The following RDX variants were observed in gnomAD, a reference collection of about 807,000 sequenced individuals.
RDX encodes radixin, also known as deafness, autosomal recessive 24.
In RDX, 32 loss-of-function variants were observed where a neutral mutation model predicts 83.7. That is an observed-to-expected ratio of 0.38 (90% CI 0.29 to 0.51). The LOEUF is 0.51. Among genes scored for constraint, RDX ranks in the 20% least tolerant of loss-of-function variants. RDX has a pLI of 0.87. For synonymous variants in RDX, 229 were observed against 222.7 expected, an observed-to-expected ratio of 1.03 and a Z score of -0.25; for missense variants, 600 against 689.9, an observed-to-expected ratio of 0.87 and a Z score of 1.46.
chr11:110,178,869 C>A (rs766694563), intron 15 of RDX, among the ~76,000 whole-genome samples: 4 of 152,140 alleles, frequency 2.6e-5, no homozygotes, highest in Non-Finnish European at 5.9e-5. Flanking sequence ...CTTTGGCTGG[C>A]ACAACCTGTT....
At chr11:110,219,001 G>T (rs547425307) in intron 14 of RDX, among the ~76,000 whole-genome samples, 88 of 152,290 alleles carry the variant, frequency 5.8e-4, no homozygotes, top group African/African-American at 2.0e-3. Flanking sequence ...TTCTAGTGGG[G>T]TGAGATAGAT....
chr11:110,289,956 CAAAAAAAAAAAAAAAA>C, intron 1 of RDX, among the ~76,000 whole-genome samples: 1 of 35,484 alleles, frequency 2.8e-5, no homozygotes, highest in Admixed American at 4.8e-4. Flanking sequence ...GAGACTGTCT[CAAAAAAAAAAAAAAAA>C]AAAAAAAAAA....
chr11:110,269,813 G>A (rs141914228), intron 3 of RDX, among the ~76,000 whole-genome samples: 101 of 152,114 alleles, frequency 6.6e-4, no homozygotes, highest in African/African-American at 2.2e-3. Context: ...CGAGGGAGGC[G>A]GATCACTTGA....
intron 15 of RDX, among the ~76,000 whole-genome samples, chr11:110,194,661 A>G (rs1459856625): frequency 1.3e-5 from 2 of 152,264 alleles, no homozygotes; most frequent in Admixed American, 1.3e-4. Flanking sequence ...CCTTTAAGTT[A>G]TAAAAGTGCC....
chr11:110,190,044 T>C (rs1863073720), intron 15 of RDX, among the ~76,000 whole-genome samples: 1 of 151,814 alleles, frequency 6.6e-6, no homozygotes, highest in African/African-American at 2.4e-5. Context: ...GATCGTGCCA[T>C]TGCACTCCAG....
At chr11:110,207,995 T>TC (rs1301296990) in intron 14 of RDX, among the ~76,000 whole-genome samples, 6 of 151,938 alleles carry the variant, frequency 3.9e-5, no homozygotes, top group Admixed American at 3.9e-4. Context: ...AGATTTTTTT[T>TC]TTTTTTTTAA....
chr11:110,262,945 A>G (rs1027918720), intron 5 of RDX, among the ~76,000 whole-genome samples: 1 of 152,226 alleles, frequency 6.6e-6, no homozygotes, highest in East Asian at 1.9e-4. Context: ...CCAGCCTAGG[A>G]GTCTGAAAAC....
chr11:110,175,807 TGGA>T (rs1279623286), intron 15 of RDX, among the ~76,000 whole-genome samples: 2 of 152,250 alleles, frequency 1.3e-5, no homozygotes, highest in Non-Finnish European at 2.9e-5. Flanking sequence ...CAGTAAACTC[TGGA>T]GGAGATTTAT....
At chr11:110,258,260 G>T in intron 5 of RDX, 71 bp from the exon 6 acceptor site, 1 of 1,008,452 alleles carries the variant, frequency 9.9e-7, no homozygotes, top group African/African-American at 1.6e-5. Flanking sequence ...TAAAAGTAAA[G>T]AATCCTTTCA....
chr11:110,295,642 G>GGAA (rs1555051124), intron 1 of RDX, among the ~76,000 whole-genome samples: 8 of 122,256 alleles, frequency 6.5e-5, no homozygotes, highest in Non-Finnish European at 1.2e-4. Context: ...TGTTTAAACT[G>GGAA]AAAAAAAAAA....
intron 2 of RDX, among the ~76,000 whole-genome samples, chr11:110,277,510 G>A (rs771352764): frequency 6.6e-6 from 1 of 151,984 alleles, no homozygotes; most frequent in Non-Finnish European, 1.5e-5. Flanking sequence ...AGTAGAGATG[G>A]GGTTTCACCA....
intron 3 of RDX, 85 bp from the exon 4 acceptor site, chr11:110,264,959 C>G (rs1268664518): frequency 6.3e-6 from 6 of 947,342 alleles, no homozygotes; most frequent in Non-Finnish European, 8.5e-6. Context: ...AAAAGGAGAA[C>G]AAAACTATGT....
intron 9 of RDX, 89 bp downstream of exon 9, chr11:110,253,857 A>G: frequency 9.2e-7 from 1 of 1,084,974 alleles, no homozygotes; most frequent in Non-Finnish European, 1.4e-6. Context: ...ATAAATACAA[A>G]TTTAAGGTAC....
At chr11:110,184,915 G>C (rs972347350) in intron 15 of RDX, among the ~76,000 whole-genome samples, 1 of 152,092 alleles carries the variant, frequency 6.6e-6, no homozygotes, top group Non-Finnish European at 1.5e-5. Context: ...CCTTGGAGGG[G>C]GGGCTAGGGC....
chr11:110,193,069 A>C (rs888197116), intron 15 of RDX, among the ~76,000 whole-genome samples: 3 of 152,204 alleles, frequency 2.0e-5, no homozygotes, highest in African/African-American at 7.2e-5. Context: ...ATGCACTTAC[A>C]TGTTCACCAC....
chr11:110,219,486 T>A (rs1320974990), intron 14 of RDX, among the ~76,000 whole-genome samples: 1 of 152,068 alleles, frequency 6.6e-6, no homozygotes, highest in Non-Finnish European at 1.5e-5. Flanking sequence ...AAACAGGAAA[T>A]CAAGAAAACA....
At position 110,192,799 on chromosome 11, in the gene RDX, A is replaced by G. The variant is rs369999345; in HGVS notation, c.*31+6782T>C. On this transcript the variant is annotated intron_variant, in intron 15 of 15. Transcript: ENST00000528498. Reference sequence around the variant, plus strand: ...ACTAATTACCAGAGAAATGCAAATCAAAACCACAATGAGATACCATCTCAC... The same window carrying G: ...ACTAATTACCAGAGAAATGCAAATCGAAACCACAATGAGATACCATCTCAC... Among the ~76,000 whole-genome samples the G allele has an allele frequency of 5.9e-5, 9 of 152,354 alleles. No homozygotes were observed. In the East Asian group the frequency reaches 1.7e-3, roughly 29 times the overall value.
At chr11:110,235,240 T>C (rs1236851682) in intron 12 of RDX, among the ~76,000 whole-genome samples, 2 of 152,146 alleles carry the variant, frequency 1.3e-5, no homozygotes, top group African/African-American at 2.4e-5. Context: ...CTGCAGAGGC[T>C]GAGGTGGGAG....
At chr11:110,240,967 A>G (rs1199608286) in intron 10 of RDX, among the ~76,000 whole-genome samples, 3 of 147,162 alleles carry the variant, frequency 2.0e-5, no homozygotes, top group African/African-American at 5.0e-5. Context: ...GAGGCAGGAG[A>G]ATCACTTAAA....
Sources: allele counts gnomAD v4.1 joint callset (sites outside exome capture counted in the v4.1 genomes callset), GRCh38; gene constraint gnomAD v4.1.1; transcripts MANE v1.5; gene names NCBI Gene and HGNC (gene_info 2026-07-23, HGNC 2026-07-21).